The following DPP10 variants were observed in gnomAD, a reference collection of about 807,000 sequenced individuals.
DPP10 encodes the protein inactive dipeptidyl peptidase 10.
A neutral mutation model predicts 120.9 loss-of-function variants in DPP10; 33 were observed. The ratio of observed to expected loss-of-function variants is 0.27; its 90% CI spans 0.21 to 0.37. The LOEUF (loss-of-function observed/expected upper bound fraction) is 0.37, where lower values mean the gene tolerates loss of function less well. Among genes scored for constraint, DPP10 ranks in the 10% least tolerant of loss-of-function variants. DPP10 has a pLI of 1.00. For missense variants in DPP10, 816 were observed against 942.8 expected, an observed-to-expected ratio of 0.87 and a Z score of 1.76; for synonymous variants, 337 against 326.1, an observed-to-expected ratio of 1.03 and a Z score of -0.36.
At chr2:115,020,939 C>T (rs1250988414) in intron 1 of DPP10, among the ~76,000 whole-genome samples, 1 of 151,886 alleles carries the variant, frequency 6.6e-6, no homozygotes, top group African/African-American at 2.4e-5. Context: ...ACAATAAAAT[C>T]CAGATGAAAA....
chr2:115,055,629 T>C (rs973974197), intron 1 of DPP10, among the ~76,000 whole-genome samples: 3 of 152,192 alleles, frequency 2.0e-5, no homozygotes, highest in Non-Finnish European at 2.9e-5. Context: ...GAGCAAACTA[T>C]CTGAAAATGT....
chr2:114,794,196 T>C (rs1683489121), intron 1 of DPP10, among the ~76,000 whole-genome samples: 1 of 152,158 alleles, frequency 6.6e-6, no homozygotes, highest in Non-Finnish European at 1.5e-5. Context: ...TGACTGGTAA[T>C]TACAGTTTTT....
intron 3 of DPP10, among the ~76,000 whole-genome samples, chr2:115,430,506 A>G (rs1478913368): frequency 1.3e-5 from 2 of 152,156 alleles, no homozygotes; most frequent in East Asian, 3.9e-4. Flanking sequence ...TAGATTTTTA[A>G]TGTCTTTGTC....
At chr2:115,575,018 T>C (rs539147400) in intron 5 of DPP10, among the ~76,000 whole-genome samples, 39 of 152,340 alleles carry the variant, frequency 2.6e-4, no homozygotes, top group African/African-American at 9.1e-4. Context: ...GCTAAGATCA[T>C]CTTTTGCCCT....
intron 2 of DPP10, among the ~76,000 whole-genome samples, chr2:115,322,666 T>C (rs2062120277): frequency 1.3e-5 from 2 of 152,226 alleles, no homozygotes. Context: ...AACTAAGTTC[T>C]CAATAAATGC....
At chr2:114,639,069 G>A (rs544091567) in intron 1 of DPP10, among the ~76,000 whole-genome samples, 4 of 151,966 alleles carry the variant, frequency 2.6e-5, no homozygotes, top group African/African-American at 9.7e-5. Flanking sequence ...CACTTATAGT[G>A]TATATTAGTC....
intron 1 of DPP10, among the ~76,000 whole-genome samples, chr2:114,756,807 T>C (rs1679793313): frequency 6.6e-6 from 1 of 152,116 alleles, no homozygotes; most frequent in African/African-American, 2.4e-5. Flanking sequence ...TCTGAGTAAA[T>C]TTACTCAAAG....
rs550638815 is a variant in DPP10, at chr2:115,426,055, C to T, written c.272-73455C>T. Reference sequence around the variant, plus strand: ...GTGCCACCTCCGACACTGGAGATGACATTTCAACATGAGATTCTCACCAGG... The same window carrying T: ...GTGCCACCTCCGACACTGGAGATGATATTTCAACATGAGATTCTCACCAGG... On this transcript the variant is annotated intron_variant, in intron 3 of 25. Coordinates refer to ENST00000410059, the MANE Select transcript of DPP10 (RefSeq NM_020868.6). Among the ~76,000 whole-genome samples, 96 of 151,614 alleles carry T rather than the reference C, an allele frequency of 6.3e-4. 1 individual carries two copies. Among genetic ancestry groups the T allele is most frequent in the Non-Finnish European group, 1.2e-3 (79 of 67,906 alleles).
intron 1 of DPP10, among the ~76,000 whole-genome samples, chr2:115,186,548 T>C (rs1000859257): frequency 1.3e-5 from 2 of 152,196 alleles, no homozygotes; most frequent in Non-Finnish European, 2.9e-5. Context: ...GGAGGTGACC[T>C]GTGACCTAAA....
intron 1 of DPP10, among the ~76,000 whole-genome samples, chr2:115,300,703 T>C (rs1236828295): frequency 6.6e-6 from 1 of 152,078 alleles, no homozygotes; most frequent in East Asian, 1.9e-4. Flanking sequence ...TCATTTTAAA[T>C]ACTCTCAGTT....
chr2:115,417,538 T>C (rs1181791134), intron 3 of DPP10, among the ~76,000 whole-genome samples: 1 of 152,142 alleles, frequency 6.6e-6, no homozygotes, highest in Non-Finnish European at 1.5e-5. Flanking sequence ...ACTTAACACA[T>C]ACTAACTTTT....
At chr2:115,536,970 G>A (rs1460103461) in intron 5 of DPP10, among the ~76,000 whole-genome samples, 1 of 152,060 alleles carries the variant, frequency 6.6e-6, no homozygotes, top group Non-Finnish European at 1.5e-5. Flanking sequence ...CCTCATAGGA[G>A]TTATTTAGTG....
chr2:115,673,882 C>A (rs142220151), intron 5 of DPP10, among the ~76,000 whole-genome samples: 1 of 152,030 alleles, frequency 6.6e-6, no homozygotes, highest in South Asian at 2.1e-4. Flanking sequence ...TTTTATGATT[C>A]GGAAAATTTG....
At chr2:115,721,773 A>C (rs1278440478) in intron 7 of DPP10, among the ~76,000 whole-genome samples, 1 of 152,180 alleles carries the variant, frequency 6.6e-6, no homozygotes, top group African/African-American at 2.4e-5. Context: ...AAAATAATTG[A>C]AATTGGAATC....
intron 3 of DPP10, among the ~76,000 whole-genome samples, chr2:115,345,913 C>T (rs1206553734): frequency 6.6e-6 from 1 of 152,048 alleles, no homozygotes; most frequent in Non-Finnish European, 1.5e-5. Context: ...TGGGACAAAG[C>T]TGCAGTGTTA....
chr2:115,782,416 A>C lies in DPP10; in HGVS notation c.1531+17A>C. ...ACCCAGCAAGTGAGTACACAAGAAG[A>C]CAATTAAGAATAGTTATGGTTGGCA... On this transcript the variant is annotated intron_variant, in intron 17 of 25. Transcript: ENST00000410059. 1 of 1,606,298 alleles carries C rather than the reference A, an allele frequency of 6.2e-7. No homozygotes were observed. Among genetic ancestry groups the C allele is most frequent in the East Asian group, 2.2e-5 (1 of 44,818 alleles).
chr2:115,786,256 TAAG>T (rs930104885), intron 17 of DPP10, among the ~76,000 whole-genome samples: 23 of 152,230 alleles, frequency 1.5e-4, no homozygotes, highest in African/African-American at 4.8e-4. Flanking sequence ...TATACAAACA[TAAG>T]AACGCATAAA....
intron 1 of DPP10, among the ~76,000 whole-genome samples, chr2:114,916,818 C>A (rs571354975): frequency 6.6e-6 from 1 of 152,226 alleles, no homozygotes; most frequent in East Asian, 1.9e-4. Context: ...AAGGAATACA[C>A]CTCAAAATAA....
chr2:115,466,704 G>A (rs539264909), intron 3 of DPP10, among the ~76,000 whole-genome samples: 389 of 152,236 alleles, frequency 2.6e-3, no homozygotes, highest in African/African-American at 8.5e-3. Context: ...TTGATATACT[G>A]TGATGTAGCC....
Sources: allele counts gnomAD v4.1 joint callset (sites outside exome capture counted in the v4.1 genomes callset), GRCh38; gene constraint gnomAD v4.1.1; transcripts MANE v1.5; gene names NCBI Gene and HGNC (gene_info 2026-07-23, HGNC 2026-07-21).